The following ZNF479 variants were observed in gnomAD, a reference collection of about 807,000 sequenced individuals.
ZNF479 encodes zinc finger protein 479, also known as KRAB zinc finger protein KR19.
Under a neutral mutation model 14.7 loss-of-function variants are expected in ZNF479, and 15 were observed. The ratio of observed to expected loss-of-function variants is 1.02; its 90% CI spans 0.68 to 1.57. The LOEUF is 1.57. ZNF479 is among the 40% of genes most tolerant of loss of function. The pLI is 0.00. For missense variants in ZNF479, 506 were observed against 615.1 expected (o/e 0.82, Z 1.88); for synonymous variants, 145 against 211.5 (o/e 0.69, Z 2.73).
At chr7:57,137,677 G>C (rs950418094) in intron 1 of ZNF479, among the ~76,000 whole-genome samples, 4 of 152,176 alleles carry the variant, frequency 2.6e-5, no homozygotes, top group Non-Finnish European at 5.9e-5. Context: ...CTCAGTATCT[G>C]ACTGATTTTT....
In ZNF479 at chr7:57,122,653, A is replaced by AT. The variant is rs553825073; in HGVS notation, c.263-1502dup. Among the ~76,000 whole-genome samples the AT allele has an allele frequency of 2.6e-5, 4 of 152,264 alleles. No homozygotes were observed. In the East Asian group the frequency reaches 5.8e-4, roughly 22 times the overall value. ...CAAATTTTTCTATGCAACTGAAGTC[A>AT]TTTTTTTACCAGTTTAAAATATACT... On this transcript the variant is annotated intron_variant, in intron 3 of 3. Transcript: ENST00000319636.
Position 57,126,814 on chromosome 7 carries a change from A to G in ZNF479, c.40-96T>C, listed in dbSNP as rs1218047023. On this transcript the variant is annotated intron_variant, in intron 1 of 3. Transcript: ENST00000319636. ...TTATTTGACTCAAGTTAAAAAAGAGAGTAAAAAGAAGTGGTTCTCACTTAC... is the reference window on the plus strand; with the variant it reads ...TTATTTGACTCAAGTTAAAAAAGAGGGTAAAAAGAAGTGGTTCTCACTTAC... 33 of 1,326,112 alleles carry G rather than the reference A, an allele frequency of 2.5e-5. No homozygotes were observed. The East Asian group carries it at 7.1e-4, about 29-fold the overall frequency. The allele number at this position is 1,326,112 out of a possible 1,614,324, so 82.1% of individuals were successfully genotyped here.
At chr7:57,136,709 G>C (rs1786668284), upstream of ZNF479, among the ~76,000 whole-genome samples, 1 of 152,158 alleles carries the variant, frequency 6.6e-6, no homozygotes, top group African/African-American at 2.4e-5. Context: ...GTCTCACAGT[G>C]GCAGCCCGGG....
At chr7:57,121,394 T>C (rs1562846641) in intron 3 of ZNF479, among the ~76,000 whole-genome samples, 1 of 152,088 alleles carries the variant, frequency 6.6e-6, no homozygotes, top group East Asian at 1.9e-4. Flanking sequence ...CAGAGCCATA[T>C]AGAGAGAAAA....
intron 1 of ZNF479, among the ~76,000 whole-genome samples, chr7:57,131,910 G>A (rs1786442476): frequency 6.6e-6 from 1 of 152,098 alleles, no homozygotes; most frequent in Non-Finnish European, 1.5e-5. Flanking sequence ...GAAAAATGAG[G>A]AACTAAGGAC....
intron 1 of ZNF479, among the ~76,000 whole-genome samples, chr7:57,131,902 A>G (rs1786442087): frequency 6.6e-6 from 1 of 152,212 alleles, no homozygotes. Context: ...TCTAAAAGGA[A>G]AAATGAGGAA....
At chr7:57,139,441 G>C (rs768776453) in intron 1 of ZNF479, among the ~76,000 whole-genome samples, 1 of 152,152 alleles carries the variant, frequency 6.6e-6, no homozygotes, top group African/African-American at 2.4e-5. Flanking sequence ...ACCATATCTC[G>C]CAAGATATGT....
chr7:57,138,109 C>T (rs942764828), intron 1 of ZNF479, among the ~76,000 whole-genome samples: 3 of 152,160 alleles, frequency 2.0e-5, no homozygotes, highest in African/African-American at 7.2e-5. Flanking sequence ...TGGCCCAGCA[C>T]CTAGTTGATG....
upstream of ZNF479, among the ~76,000 whole-genome samples, chr7:57,137,417 G>A (rs1264640297): frequency 2.6e-5 from 4 of 152,080 alleles, no homozygotes; most frequent in African/African-American, 2.4e-5. Context: ...CACCCTCCTC[G>A]GACTCCCAAA....
At chr7:57,122,508 G>A (rs1470914628) in intron 3 of ZNF479, among the ~76,000 whole-genome samples, 2 of 151,826 alleles carry the variant, frequency 1.3e-5, no homozygotes, top group Non-Finnish European at 2.9e-5. Flanking sequence ...TATTGTGATG[G>A]TGCAGAAAAT....
Position 57,127,571 on chromosome 7 carries a change from T to C in ZNF479, c.40-853A>G. On this transcript the variant is annotated intron_variant, in intron 1 of 3. Coordinates refer to ENST00000319636, the MANE Select transcript of ZNF479 (RefSeq NM_001370129.2). ...GTCAAATATCCAGTAAATGGCAGAG[T>C]CTGGGTTTTTCCCAGTTTCTCTCAC... The C allele has an allele frequency of 3.0e-6, 3 of 984,576 alleles. No homozygotes were observed. In the South Asian group the frequency reaches 1.4e-4, roughly 46 times the overall value. The allele number at this position is 984,576 out of a possible 1,614,324, so 61.0% of individuals were successfully genotyped here.
rs1269533801 is a variant in ZNF479, at chr7:57,119,380, GGTGGATCA to G, written c.*452_*459del. Among the ~76,000 whole-genome samples, 3 of 148,658 alleles carry G rather than the reference GGTGGATCA, an allele frequency of 2.0e-5. No individual in the cohort carries two copies. Among genetic ancestry groups the G allele is most frequent in the Admixed American group, 6.8e-5 (1 of 14,678 alleles). ...TCTTAGGCTTTGGGAGGCTGACAAA[GGTGGATCA>G]CCTGAGGTCAGGAGTTCAAGACCAT... is the stretch of plus-strand genomic sequence containing the variant. On this transcript the variant is annotated 3_prime_UTR_variant, in exon 4 of 4. Coordinates refer to ENST00000319636, the MANE Select transcript of ZNF479 (RefSeq NM_001370129.2).
chr7:57,120,444 G>C lies in ZNF479; in HGVS notation c.971C>G (p.Pro324Arg), dbSNP rs1785869941. 1 of 1,611,850 alleles carries C rather than the reference G, an allele frequency of 6.2e-7. No homozygotes were observed. Residue 324 changes from proline to arginine, a missense_variant, in exon 4 of 4, where the codon CCC (proline) becomes CGC (arginine). Physicochemically the swap from Pro to Arg is moderately radical, Grantham distance 103 (BLOSUM62 -2). This residue lies in a region of ZNF479 where 420 missense variants were observed against 474.2 expected (regional missense o/e 0.89). Transcript: ENST00000319636. ...DHKRIHTGEK[P>R]CRCEECGKAF... The stretch of plus-strand genomic sequence containing the variant: ...TTTGCCACATTCCTCACACCTGCAG[G>C]GTTTCTCTCCAGTATGAATTCTCTT...
At chr7:57,128,037 G>A (rs1223088032) in intron 1 of ZNF479, among the ~76,000 whole-genome samples, 2 of 151,256 alleles carry the variant, frequency 1.3e-5, no homozygotes, top group Non-Finnish European at 2.9e-5. Context: ...CTGAGTTCAA[G>A]CAATTCTCCT....
chr7:57,120,162 A>C lies in ZNF479; in HGVS notation c.1253T>G (p.Phe418Cys), dbSNP rs1785848273. ...PYKCEECGKV[F>C]SLSSTLTDHK... ...GTCAGTGAGGGTTGAGGATAAGCTA[A>C]AGACTTTGCCACACTCTTCACATTT... Residue 418 changes from phenylalanine to cysteine, a missense_variant, in exon 4 of 4, where the codon TTT becomes TGT. This residue lies in a region of ZNF479 where 14 missense variants were observed against 43.4 expected (regional missense o/e 0.32). Coordinates refer to ENST00000319636, the MANE Select transcript of ZNF479 (RefSeq NM_001370129.2). 6.2e-7 allele frequency: 1 copy of C among 1,612,218 alleles called. No homozygotes were observed.
chr7:57,123,397 C>T (rs1426180903), intron 3 of ZNF479, among the ~76,000 whole-genome samples: 5 of 151,704 alleles, frequency 3.3e-5, no homozygotes, highest in Admixed American at 1.3e-4. Flanking sequence ...TTTCAACATG[C>T]GATTTGGAGG....
At chr7:57,138,873 C>T (rs755419619) in intron 1 of ZNF479, among the ~76,000 whole-genome samples, 40 of 152,148 alleles carry the variant, frequency 2.6e-4, no homozygotes, top group Non-Finnish European at 7.3e-5. Context: ...TGGATCATGT[C>T]GGTCACATGT....
chr7:57,127,044 A>C (rs1786204835), intron 1 of ZNF479, among the ~76,000 whole-genome samples: 1 of 132,664 alleles, frequency 7.5e-6, no homozygotes, highest in Admixed American at 8.3e-5. Flanking sequence ...TTTTTTTGAG[A>C]CCGAGTCTCA....
Position 57,120,362 on chromosome 7 carries a change from T to G in ZNF479, c.1053A>C (p.Lys351Asn), listed in dbSNP as rs200109876. ...GGCCACATTCTTCACAGGCATAGGG[T>G]TTCTCTCTAGTATGAATTCTCTTAT... The part of the protein sequence containing the change: ...TRHKRIHTRE[K>N]PYACEECGQA... The change falls in exon 4 of 4, where the codon AAA (lysine) becomes AAC (asparagine). Residue 351 changes from lysine (K) to asparagine (N), a missense_variant. By Grantham distance (94) the Lys-to-Asn change is moderately conservative. Coordinates refer to ENST00000319636, the MANE Select transcript of ZNF479 (RefSeq NM_001370129.2). 454 of 1,613,434 alleles carry G rather than the reference T, an allele frequency of 2.8e-4. 4 individuals carry two copies. The South Asian group carries it at 4.7e-3, about 17-fold the overall frequency.
Sources: gnomAD v4.1 joint callset for allele counts (sites outside exome capture counted in the v4.1 genomes callset) on GRCh38, gnomAD v4.1.1 for gene constraint, gnomAD v4.1.1 regional missense constraint, MANE v1.5 for transcripts, NCBI Gene and HGNC (gene_info 2026-07-23, HGNC 2026-07-21) for gene names.